Variants in MYO10 observed in about 807,000 individuals in gnomAD.
MYO10 encodes myosin X.
MYO10 carries 133 observed loss-of-function variants against 257.3 expected under a neutral mutation model. That is an observed-to-expected ratio of 0.52 (90% confidence interval 0.45 to 0.60). The LOEUF (loss-of-function observed/expected upper bound fraction) is 0.60, where lower values mean the gene tolerates loss of function less well. MYO10 is among the 20% of genes least tolerant of loss of function. MYO10 has a pLI of 0.00. For missense variants in MYO10, 2,399 were observed against 2,635.7 expected, an observed-to-expected ratio of 0.91 and a Z score of 1.97; for synonymous variants, 1,104 against 1,028.6, an observed-to-expected ratio of 1.07 and a Z score of -1.40.
intron 26 of MYO10, among the ~76,000 whole-genome samples, chr5:16,695,553 C>T (rs257050): frequency 6.6e-6 from 1 of 150,524 alleles, no homozygotes; most frequent in African/African-American, 2.4e-5. Flanking sequence ...AGCAAGAGTA[C>T]AAACTACACT....
At chr5:16,717,126 C>T (rs1738907530) in intron 19 of MYO10, among the ~76,000 whole-genome samples, 1 of 152,222 alleles carries the variant, frequency 6.6e-6, no homozygotes, top group African/African-American at 2.4e-5. Flanking sequence ...CTTGGGCCAC[C>T]ACGCGCGGCC....
At chr5:16,876,244 T>A (rs978998637) in intron 2 of MYO10, among the ~76,000 whole-genome samples, 1 of 152,252 alleles carries the variant, frequency 6.6e-6, no homozygotes. Context: ...TTTATAACAT[T>A]AAATTAGTTT....
intron 2 of MYO10, among the ~76,000 whole-genome samples, chr5:16,850,975 T>G (rs113613620): frequency 1.3e-4 from 19 of 151,986 alleles, no homozygotes; most frequent in Non-Finnish European, 2.5e-4. Flanking sequence ...TTGTATTTTT[T>G]CTTTTTTAGT....
At chr5:16,703,795 T>G (rs560197416) in intron 22 of MYO10, among the ~76,000 whole-genome samples, 4 of 143,676 alleles carry the variant, frequency 2.8e-5, no homozygotes, top group South Asian at 4.3e-4. Flanking sequence ...GGCAGGAGAA[T>G]CACTTGAACC....
intron 3 of MYO10, among the ~76,000 whole-genome samples, chr5:16,802,925 G>A (rs1742162977): frequency 1.4e-5 from 2 of 147,828 alleles, no homozygotes; most frequent in African/African-American, 5.0e-5. Context: ...GCAACACAGT[G>A]AGATCCTCTC....
chr5:16,671,312 T>C, intron 38 of MYO10, 110 bp downstream of exon 38: 1 of 1,331,518 alleles, frequency 7.5e-7, no homozygotes, highest in Non-Finnish European at 1.0e-6. Flanking sequence ...TGCTGGGAAA[T>C]CCACAGGTGT....
At position 16,662,392 on chromosome 5, in the gene MYO10, T is replaced by A. The variant is rs1038124864; in HGVS notation, c.*4300A>T. ...ACACCAGAATGCAGTGGCACCATCA[T>A]GGCTCCCTGCAGCTTTGACCTCCTG... On this transcript the variant is annotated 3_prime_UTR_variant, in exon 41 of 41. Coordinates refer to ENST00000513610, the MANE Select transcript of MYO10 (RefSeq NM_012334.3). The A allele has an allele frequency of 7.7e-6, 1 of 130,618 alleles. No individual in the cohort carries two copies. The highest frequency in any genetic ancestry group is 2.8e-5 in the African/African-American group (1 of 35,544). The allele number at this position is 130,618 out of a possible 1,614,324, so 8.1% of individuals were successfully genotyped here.
intron 18 of MYO10, among the ~76,000 whole-genome samples, chr5:16,756,286 G>A (rs967971059): frequency 3.3e-5 from 5 of 152,006 alleles, no homozygotes; most frequent in South Asian, 2.1e-4. Flanking sequence ...GGCTGGTCTC[G>A]AACTCCTCGA....
chr5:16,718,201 C>G (rs1436048554), intron 19 of MYO10, among the ~76,000 whole-genome samples: 1 of 152,212 alleles, frequency 6.6e-6, no homozygotes, highest in Non-Finnish European at 1.5e-5. Flanking sequence ...GAGCAAGGCT[C>G]GGGACCTGCA....
At chr5:16,764,679 C>T (rs1740812955) in intron 11 of MYO10, among the ~76,000 whole-genome samples, 1 of 152,096 alleles carries the variant, frequency 6.6e-6, no homozygotes, top group South Asian at 2.1e-4. Context: ...ACAAATGTTA[C>T]CAGGTTTTTT....
At chr5:16,799,496 CT>C (rs10714513) in intron 3 of MYO10, among the ~76,000 whole-genome samples, 79,084 of 146,842 alleles carry the variant, frequency 0.54, 20,754 homozygotes, top group South Asian at 0.62. Flanking sequence ...AAGAGAAATA[CT>C]TTTTTTTTTT....
At chr5:16,765,966 ATTAATATAT>A (rs1740849596) in intron 11 of MYO10, 105 bp downstream of exon 11, 1 of 736,542 alleles carries the variant, frequency 1.4e-6, no homozygotes, top group African/African-American at 1.8e-5. Flanking sequence ...TTGAACAGTT[ATTAATATAT>A]TACAGTTACA....
intron 1 of MYO10, among the ~76,000 whole-genome samples, chr5:16,889,442 G>A (rs1744981960): frequency 6.8e-6 from 1 of 146,676 alleles, no homozygotes; most frequent in African/African-American, 2.5e-5. Context: ...AGGAAGGAAA[G>A]GAAAGGAAAG....
chr5:16,728,733 C>A (rs1168910624), intron 19 of MYO10, among the ~76,000 whole-genome samples: 1 of 152,192 alleles, frequency 6.6e-6, no homozygotes, highest in Admixed American at 6.5e-5. Flanking sequence ...CACACGACTA[C>A]TGTGCACTAG....
chr5:16,856,268 C>T (rs1423110117), intron 2 of MYO10, among the ~76,000 whole-genome samples: 8 of 152,104 alleles, frequency 5.3e-5, no homozygotes, highest in Non-Finnish European at 1.2e-4. Context: ...TAAAGAAAGA[C>T]CTGTTCAAGA....
chr5:16,748,220 C>G (rs1740267483), intron 19 of MYO10, among the ~76,000 whole-genome samples: 1 of 152,024 alleles, frequency 6.6e-6, no homozygotes, highest in South Asian at 2.1e-4. Context: ...CAGGTGTACA[C>G]TACCACTCCT....
intron 2 of MYO10, among the ~76,000 whole-genome samples, chr5:16,825,684 C>T (rs1477623786): frequency 1.3e-5 from 2 of 152,170 alleles, no homozygotes; most frequent in Non-Finnish European, 2.9e-5. Context: ...ATTATACATA[C>T]AGAAAGGCAG....
chr5:16,857,831 A>T (rs1744003091), intron 2 of MYO10, among the ~76,000 whole-genome samples: 1 of 152,228 alleles, frequency 6.6e-6, no homozygotes, highest in Non-Finnish European at 1.5e-5. Flanking sequence ...ACCTCCAGGG[A>T]GGCTGTACCA....
At chr5:16,829,175 C>T (rs1372213488) in intron 2 of MYO10, among the ~76,000 whole-genome samples, 7 of 152,120 alleles carry the variant, frequency 4.6e-5, no homozygotes, top group Non-Finnish European at 1.0e-4. Flanking sequence ...GGTGATGTGG[C>T]ACGGGGCATC....
Sources: allele counts gnomAD v4.1 joint callset (sites outside exome capture counted in the v4.1 genomes callset), GRCh38; gene constraint gnomAD v4.1.1; transcripts MANE v1.5; gene names NCBI Gene and HGNC (gene_info 2026-07-23, HGNC 2026-07-21).